Variants in PDE7B observed in about 807,000 individuals in gnomAD.
The protein encoded by PDE7B is phosphodiesterase 7B.
PDE7B carries 29 observed loss-of-function variants against 56.2 expected under a neutral mutation model. The observed-to-expected ratio is 0.52, with a 90% confidence interval of 0.38 to 0.70. PDE7B has a LOEUF of 0.70. Among genes scored for constraint, PDE7B ranks in the 30% least tolerant of loss-of-function variants. The probability of loss-of-function intolerance (pLI) is 0.00; values close to 1 mark genes in which losing one functional copy is unlikely to be tolerated. For synonymous variants in PDE7B, 197 were observed against 196.9 expected (o/e 1.00, Z 0.00); for missense variants, 490 against 565.0 (o/e 0.87, Z 1.35).
intron 1 of PDE7B, among the ~76,000 whole-genome samples, chr6:135,854,926 G>A (rs189408179): frequency 1.3e-5 from 2 of 152,286 alleles, no homozygotes; most frequent in Non-Finnish European, 2.9e-5. Context: ...TCTTATGTGT[G>A]GTCAAGGCAT....
chr6:136,191,447 A>C (rs1779223175), intron 12 of PDE7B, among the ~76,000 whole-genome samples, 167 bp from the exon 13 acceptor site: 1 of 152,210 alleles, frequency 6.6e-6, no homozygotes, highest in South Asian at 2.1e-4. Flanking sequence ...CGGGCGGATC[A>C]CTTGAGGTCG....
chr6:135,940,060 A>C (rs982047150), intron 1 of PDE7B, among the ~76,000 whole-genome samples: 2 of 152,078 alleles, frequency 1.3e-5, no homozygotes, highest in Non-Finnish European at 2.9e-5. Context: ...TTAAATCACT[A>C]TTGACCCCAA....
chr6:136,191,015 T>A (rs993834368), intron 12 of PDE7B, among the ~76,000 whole-genome samples: 14 of 138,734 alleles, frequency 1.0e-4, no homozygotes, highest in Non-Finnish European at 1.8e-4. Flanking sequence ...AGCATACACT[T>A]TTTTTTTTTT....
chr6:136,047,517 A>AGGCGTGGTGGTGGGTGCCTGTAACC (rs1776534633), intron 2 of PDE7B: 1 of 152,136 alleles, frequency 6.6e-6, no homozygotes, highest in Admixed American at 6.5e-5. Context: ...ATGTAAATAG[A>AGGCGTGGTGGTGGGTGCCTGTAACC]CAAAATTGGA....
chr6:135,977,246 T>G (rs1775201900), intron 2 of PDE7B, among the ~76,000 whole-genome samples: 2 of 152,048 alleles, frequency 1.3e-5, no homozygotes, highest in African/African-American at 4.8e-5. Context: ...GCGCTAATGA[T>G]GTCTACACGA....
At chr6:135,875,399 T>G (rs1299371344) in intron 1 of PDE7B, among the ~76,000 whole-genome samples, 1 of 152,068 alleles carries the variant, frequency 6.6e-6, no homozygotes, top group Non-Finnish European at 1.5e-5. Flanking sequence ...TTTAGCATTT[T>G]ATACTAGAAT....
At position 135,890,158 on chromosome 6, in the gene PDE7B, C is replaced by A. The variant is rs552498706; in HGVS notation, c.21+38139C>A. ...TTTCTACTTCGTATGATACATGATT[C>A]ACAATAATTTACAAACTGATAAAAC... On this transcript the variant is annotated intron_variant, in intron 1 of 12. Transcript: ENST00000308191. Among the ~76,000 whole-genome samples, 5 of 152,126 alleles carry A rather than the reference C, an allele frequency of 3.3e-5. No homozygotes were observed. In the South Asian group the frequency reaches 1.0e-3, roughly 32 times the overall value.
chr6:136,186,858 C>G lies in PDE7B; in HGVS notation c.1046-178C>G, dbSNP rs186057800. On this transcript the variant is annotated intron_variant, in intron 11 of 12. Coordinates refer to ENST00000308191, the MANE Select transcript of PDE7B (RefSeq NM_018945.4). ...GGCACTGTGGTATTTTAAATTTTTA[C>G]GGAAACTACTGAAGTAAGGCAGAGC... 2.0e-4 allele frequency among the ~76,000 whole-genome samples: 30 copies of G among 152,150 alleles called. 1 individual carries two copies. Among genetic ancestry groups the G allele is most frequent in the Admixed American group, 2.0e-3 (30 of 15,268 alleles).
chr6:136,111,839 G>A (rs901738684), intron 3 of PDE7B, among the ~76,000 whole-genome samples: 14 of 152,108 alleles, frequency 9.2e-5, no homozygotes, highest in African/African-American at 3.4e-4. Flanking sequence ...TTAATTTTGA[G>A]TCAAGTTTTT....
intron 2 of PDE7B, among the ~76,000 whole-genome samples, chr6:135,959,693 T>A (rs71576387): frequency 7.5e-4 from 114 of 152,222 alleles, no homozygotes; most frequent in Middle Eastern, 3.4e-3. Flanking sequence ...GGACTCTGGG[T>A]AACAGTATAT....
rs766037188 is a variant in PDE7B, at chr6:136,038,517, G to A, written c.83-70214G>A. 1.5e-5 allele frequency: 19 copies of A among 1,280,218 alleles called. No individual in the cohort carries two copies. The African/African-American group carries it at 2.3e-4, about 15-fold the overall frequency. The allele number at this position is 1,280,218 out of a possible 1,614,324, so 79.3% of individuals were successfully genotyped here. On this transcript the variant is annotated intron_variant, in intron 2 of 12. Transcript: ENST00000308191. ...ATTCTGGACAATGAAGATGCTCTCC[G>A]CAGCTTTCCAGGTAAATTGACCATG...
intron 2 of PDE7B, among the ~76,000 whole-genome samples, chr6:136,000,609 A>G (rs6933386): frequency 0.047 from 7,190 of 152,052 alleles, 550 homozygotes; most frequent in African/African-American, 0.16. Flanking sequence ...GTATCTATGT[A>G]TCTGTTTTTT....
In PDE7B at chr6:136,173,837, T is replaced by C. The variant is rs766983790; in HGVS notation, c.752T>C (p.Ile251Thr). ...VLENHHWRSTIGMLRESRLLA... is the reference protein window; with the variant it reads ...VLENHHWRSTTGMLRESRLLA... Reference sequence around the variant, plus strand: ...GAGAATCATCACTGGCGATCTACAATTGGCATGCTTCGAGAATCAAGGCTT... The same window carrying C: ...GAGAATCATCACTGGCGATCTACAACTGGCATGCTTCGAGAATCAAGGCTT... The change falls in exon 9 of 13, where the codon ATT becomes ACT. Residue 251 changes from isoleucine to threonine, a missense_variant. By Grantham distance (89) the Ile-to-Thr change is moderately conservative. Transcript: ENST00000308191. 22 of 1,612,938 alleles carry C rather than the reference T, an allele frequency of 1.4e-5. No individual in the cohort carries two copies. Among genetic ancestry groups the C allele is most frequent in the Middle Eastern group, 1.6e-4 (1 of 6,080 alleles).
chr6:136,028,629 C>T (rs1181284862), intron 2 of PDE7B, among the ~76,000 whole-genome samples: 1 of 152,178 alleles, frequency 6.6e-6, no homozygotes, highest in African/African-American at 2.4e-5. Context: ...CCCAAGGCCC[C>T]TTTCCATCTT....
At chr6:135,968,722 G>A (rs146746788) in intron 2 of PDE7B, among the ~76,000 whole-genome samples, 1 of 152,180 alleles carries the variant, frequency 6.6e-6, no homozygotes, top group Non-Finnish European at 1.5e-5. Flanking sequence ...GAGGAAGACA[G>A]TGTGGTGATT....
chr6:136,051,419 G>A (rs1368298321), intron 2 of PDE7B, among the ~76,000 whole-genome samples: 1 of 152,202 alleles, frequency 6.6e-6, no homozygotes, highest in African/African-American at 2.4e-5. Flanking sequence ...TACCCACAGT[G>A]CATCTTCAAC....
chr6:136,124,304 T>TATA (rs1777984718), intron 3 of PDE7B, among the ~76,000 whole-genome samples: 1 of 152,118 alleles, frequency 6.6e-6, no homozygotes, highest in Admixed American at 6.5e-5. Context: ...TGCAATTTTA[T>TATA]ACACTGGGAA....
At chr6:135,922,075 G>A (rs533659357) in intron 1 of PDE7B, among the ~76,000 whole-genome samples, 10 of 152,230 alleles carry the variant, frequency 6.6e-5, no homozygotes, top group African/African-American at 2.4e-4. Flanking sequence ...TTACCTTAGA[G>A]ATTGCATAAG....
chr6:136,048,081 TAGATAGATAGAC>T (rs1367310136), intron 2 of PDE7B, among the ~76,000 whole-genome samples: 1 of 128,764 alleles, frequency 7.8e-6, no homozygotes, highest in Non-Finnish European at 1.8e-5. Context: ...GGTGGATGGA[TAGATAGATAGAC>T]AGACAGACAG....
Sources: allele counts gnomAD v4.1 joint callset (sites outside exome capture counted in the v4.1 genomes callset), GRCh38; gene constraint gnomAD v4.1.1; transcripts MANE v1.5; gene names NCBI Gene and HGNC (gene_info 2026-07-23, HGNC 2026-07-21).